Variants in PTPRN2 observed in about 807,000 individuals in gnomAD.
PTPRN2 encodes protein tyrosine phosphatase receptor type N2.
Under a neutral mutation model 118.8 loss-of-function variants are expected in PTPRN2, and 74 were observed. That is an observed-to-expected ratio of 0.62 (90% CI 0.52 to 0.76). PTPRN2 has a LOEUF of 0.76. PTPRN2 is among the 30% of genes least tolerant of loss of function. PTPRN2 has a pLI of 0.00. For missense variants in PTPRN2, 1,481 were observed against 1,394.4 expected (o/e 1.06, Z -0.99); for synonymous variants, 641 against 608.0 (o/e 1.05, Z -0.80).
At position 158,175,205 on chromosome 7, in the gene PTPRN2, G is replaced by A. The variant is rs142297828; in HGVS notation, c.550-7914C>T. On this transcript the variant is annotated intron_variant, in intron 5 of 22. Coordinates refer to ENST00000389418, the MANE Select transcript of PTPRN2 (RefSeq NM_002847.5). ...TTTTCTCCCTGTCTCACTGCCCGCC[G>A]GCAGCACTGACAGGCACCTTGATCA... Among the ~76,000 whole-genome samples, 882 of 152,282 alleles carry A rather than the reference G, an allele frequency of 5.8e-3. 6 individuals carry two copies. Among genetic ancestry groups the A allele is most frequent in the African/African-American group, 0.02 (835 of 41,554 alleles).
intron 13 of PTPRN2, among the ~76,000 whole-genome samples, chr7:157,662,199 G>A (rs1369563783): frequency 6.6e-6 from 1 of 152,170 alleles, no homozygotes; most frequent in Non-Finnish European, 1.5e-5. Context: ...TAATGGTACC[G>A]ACTTCACCGC....
chr7:158,350,157 T>G (rs1807818370), intron 2 of PTPRN2, among the ~76,000 whole-genome samples: 1 of 152,126 alleles, frequency 6.6e-6, no homozygotes. Context: ...TTCACCTGAT[T>G]GTTACTCAAA....
intron 6 of PTPRN2, among the ~76,000 whole-genome samples, chr7:158,146,342 T>A (rs778735063): frequency 6.6e-6 from 1 of 152,166 alleles, no homozygotes; most frequent in Non-Finnish European, 1.5e-5. Flanking sequence ...TCTCCGTCCA[T>A]CCCTCCACCC....
chr7:157,753,657 C>T (rs2150991836), intron 12 of PTPRN2, among the ~76,000 whole-genome samples: 1 of 148,938 alleles, frequency 6.7e-6, no homozygotes, highest in East Asian at 2.1e-4. Flanking sequence ...AACGCCTCCC[C>T]TCCGTTCTCT....
intron 11 of PTPRN2, among the ~76,000 whole-genome samples, chr7:157,913,108 T>C (rs866145817): frequency 2.0e-4 from 31 of 152,382 alleles, no homozygotes; most frequent in Middle Eastern, 3.4e-3. Flanking sequence ...TTAAGTTTTA[T>C]ATTTTTCCCC....
intron 12 of PTPRN2, among the ~76,000 whole-genome samples, chr7:157,791,942 G>A (rs1420447645): frequency 6.6e-6 from 1 of 152,224 alleles, no homozygotes; most frequent in East Asian, 1.9e-4. Flanking sequence ...AATATGTGCG[G>A]CTTTTCCTGC....
chr7:158,135,808 C>T (rs574393429), intron 8 of PTPRN2, among the ~76,000 whole-genome samples: 3 of 152,316 alleles, frequency 2.0e-5, no homozygotes, highest in African/African-American at 7.2e-5. Flanking sequence ...GGCATGGAAC[C>T]ACTAACCAGT....
chr7:157,710,530 A>C (rs1345762804), intron 12 of PTPRN2, among the ~76,000 whole-genome samples: 1 of 138,306 alleles, frequency 7.2e-6, no homozygotes, highest in Admixed American at 7.4e-5. Context: ...AGAGAGTGAC[A>C]TGGCTGCGGG....
rs80043830 is a variant in PTPRN2, at chr7:158,532,537, G to A, written c.113-42752C>T. Among the ~76,000 whole-genome samples the A allele has an allele frequency of 1.7e-3, 255 of 152,242 alleles. 8 individuals carry two copies. The East Asian group carries it at 0.031, about 19-fold the overall frequency. On this transcript the variant is annotated intron_variant, in intron 1 of 22. Transcript: ENST00000389418. ...ACTGGAAGTTGGAGCGTGGTGGACC[G>A]TGCGTTATAATAAAGTTGCTATTGT...
chr7:158,404,819 CCCCCAGCTCCCCGG>C (rs1318838232), intron 2 of PTPRN2, among the ~76,000 whole-genome samples: 28 of 133,030 alleles, frequency 2.1e-4, no homozygotes, highest in African/African-American at 6.6e-4. Context: ...AGCTCCCCGG[CCCCCAGCTCCCCGG>C]CCCCAGCTCC....
chr7:157,986,676 A>C lies in PTPRN2; in HGVS notation c.1724-87939T>G, dbSNP rs1303456792. 6.6e-6 allele frequency among the ~76,000 whole-genome samples: 1 copy of C among 152,194 alleles called. No individual in the cohort carries two copies. Among genetic ancestry groups the C allele is most frequent in the Non-Finnish European group, 1.5e-5 (1 of 68,014 alleles). ...ATATTAGGACTGCTTGATTCAAGCC[A>C]ATAGTGCTAAATTAGAAATAATGAA... On this transcript the variant is annotated intron_variant, in intron 11 of 22. Transcript: ENST00000389418. This position sits in a 1 kb window ranked among gnomAD's most constrained non-coding sequence, Gnocchi z 4.5.
Position 158,015,723 on chromosome 7 carries a change from T to G in PTPRN2, c.1723+65575A>C, listed in dbSNP as rs1319615930. Among the ~76,000 whole-genome samples the G allele has an allele frequency of 6.6e-6, 1 of 152,248 alleles. No individual in the cohort carries two copies. Among genetic ancestry groups the G allele is most frequent in the Non-Finnish European group, 1.5e-5 (1 of 68,050 alleles). ...TTTCTGCAATTAAGCAACCAGCTAT[T>G]ATTAGGAGTTCAAAACAAATCACAA... On this transcript the variant is annotated intron_variant, in intron 11 of 22. Transcript: ENST00000389418. The surrounding 1 kb of genome is among the most constrained non-coding windows in gnomAD (Gnocchi z 4.2).
intron 1 of PTPRN2, among the ~76,000 whole-genome samples, chr7:158,502,219 A>G (rs895824025): frequency 6.6e-6 from 1 of 152,230 alleles, no homozygotes; most frequent in Non-Finnish European, 1.5e-5. Flanking sequence ...AGTTTTATGG[A>G]AACACAGCCA....
At chr7:157,551,047 C>T (rs1213991072) in intron 21 of PTPRN2, among the ~76,000 whole-genome samples, 2 of 152,174 alleles carry the variant, frequency 1.3e-5, no homozygotes, top group African/African-American at 4.8e-5. Context: ...TCCTCCTCCT[C>T]CTCCCACGGA....
intron 10 of PTPRN2, among the ~76,000 whole-genome samples, chr7:158,105,521 G>C (rs1030789353): frequency 6.6e-6 from 1 of 151,092 alleles, no homozygotes; most frequent in Non-Finnish European, 1.5e-5. Context: ...TTCCATCCCA[G>C]CTCTACCCCA....
At chr7:157,962,569 C>T (rs1034734294) in intron 11 of PTPRN2, among the ~76,000 whole-genome samples, 7 of 152,214 alleles carry the variant, frequency 4.6e-5, no homozygotes. Flanking sequence ...ACTACAGCTT[C>T]CTGAAGTCAG....
rs547019873 is a variant in PTPRN2 at position 157,718,827 on chromosome 7, C to T, written c.1789-35890G>A. On this transcript the variant is annotated intron_variant, in intron 12 of 22. Transcript: ENST00000389418. ...GCCACTCTTGGTTTCTCAGCTGCCG[C>T]AATCGGTCCTTCCAGTGTCCGACCT... 2.6e-5 allele frequency among the ~76,000 whole-genome samples: 4 copies of T among 151,966 alleles called. No homozygotes were observed. In the East Asian group the frequency reaches 7.8e-4, roughly 30 times the overall value.
chr7:158,182,992 T>C (rs960239975), intron 5 of PTPRN2, among the ~76,000 whole-genome samples: 1 of 152,232 alleles, frequency 6.6e-6, no homozygotes, highest in African/African-American at 2.4e-5. Context: ...TGCATATAAA[T>C]TTAGAATTGT....
chr7:158,506,623 A>G (rs1030765207), intron 1 of PTPRN2, among the ~76,000 whole-genome samples: 2 of 151,748 alleles, frequency 1.3e-5, no homozygotes, highest in African/African-American at 4.8e-5. Flanking sequence ...TGAACAGTGG[A>G]CTTTTGGCCA....
Sources: gnomAD v4.1 joint callset for allele counts (sites outside exome capture counted in the v4.1 genomes callset) on GRCh38, gnomAD v4.1.1 for gene constraint, Gnocchi (gnomAD v3.1) non-coding constraint, MANE v1.5 for transcripts, NCBI Gene and HGNC (gene_info 2026-07-23, HGNC 2026-07-21) for gene names.